EDNRB: variants seen among roughly 807,000 people sequenced by gnomAD.
The protein encoded by EDNRB is endothelin receptor type B.
Under a neutral mutation model 46.4 loss-of-function variants are expected in EDNRB, and 18 were observed. That is an observed-to-expected ratio of 0.39 (90% CI 0.27 to 0.57). EDNRB has a LOEUF of 0.57. Ranked by LOEUF, EDNRB falls within the 20% of genes least tolerant of loss-of-function variation. The pLI is 0.61. For synonymous variants in EDNRB, 213 were observed against 204.9 expected, an observed-to-expected ratio of 1.04 and a Z score of -0.34; for missense variants, 434 against 537.5, an observed-to-expected ratio of 0.81 and a Z score of 1.90.
rs1878689889 is a variant in EDNRB at position 77,897,443 on chromosome 13, T to A, written c.*757A>T. The A allele has an allele frequency of 7.1e-6, 7 of 984,798 alleles. No individual in the cohort carries two copies. Among genetic ancestry groups the A allele is most frequent in the Non-Finnish European group, 7.2e-6 (6 of 829,570 alleles). The allele number at this position is 984,798 out of a possible 1,614,324, so 61.0% of individuals were successfully genotyped here. A position where few individuals can be genotyped will look rare whatever the true frequency, so the allele number is the denominator to read the frequency against. Reference sequence around the variant, plus strand: ...TCTCTTTGTGAGGTTTGATCTTAACTGAATGTAAAGGATGTAATAATTTTC... The same window carrying A: ...TCTCTTTGTGAGGTTTGATCTTAACAGAATGTAAAGGATGTAATAATTTTC... On this transcript the variant is annotated 3_prime_UTR_variant, in exon 7 of 7. Coordinates refer to ENST00000646607, the MANE Select transcript of EDNRB (RefSeq NM_001122659.3).
At chr13:77,965,620 AAAG>A (rs1323004984) in intron 1 of EDNRB, among the ~76,000 whole-genome samples, 2 of 152,188 alleles carry the variant, frequency 1.3e-5, no homozygotes, top group African/African-American at 4.8e-5. Flanking sequence ...AAGAGGAATT[AAAG>A]TTTTCCTTCC....
chr13:77,896,875 C>G lies in EDNRB; in HGVS notation c.*1325G>C. The G allele has an allele frequency of 9.8e-7, 1 of 1,021,566 alleles. No homozygotes were observed. The highest frequency in any genetic ancestry group is 1.2e-6 in the Non-Finnish European group (1 of 854,268). 63.3% of individuals were successfully genotyped at this position (1,021,566 alleles called of 1,614,324 possible). A position where few individuals can be genotyped will look rare whatever the true frequency, so the allele number is the denominator to read the frequency against. ...AGAAGATATAAAAATTAGGCAGGAA[C>G]GCACAAAGCTAAGAGGTTCTTACGG... On this transcript the variant is annotated 3_prime_UTR_variant, in exon 7 of 7. Transcript: ENST00000646607.
At chr13:77,926,424 T>A (rs1880239210) in intron 1 of EDNRB, among the ~76,000 whole-genome samples, 1 of 152,138 alleles carries the variant, frequency 6.6e-6, no homozygotes, top group South Asian at 2.1e-4. Flanking sequence ...CTAAATCACC[T>A]CTCTCAAGTT....
upstream of EDNRB, among the ~76,000 whole-genome samples, chr13:77,922,950 A>T (rs1005022060): frequency 6.6e-6 from 1 of 152,182 alleles, no homozygotes; most frequent in African/African-American, 2.4e-5. Flanking sequence ...AACTTATCTG[A>T]TACATCTTAT....
chr13:77,926,993 A>G (rs1399871845), intron 1 of EDNRB, among the ~76,000 whole-genome samples: 1 of 152,248 alleles, frequency 6.6e-6, no homozygotes, highest in Non-Finnish European at 1.5e-5. Flanking sequence ...TGAGAACAGT[A>G]TGGGGGAAAC....
At chr13:77,911,888 G>A (rs866399392) in intron 1 of EDNRB, among the ~76,000 whole-genome samples, 2 of 152,216 alleles carry the variant, frequency 1.3e-5, no homozygotes, top group Middle Eastern at 3.4e-3. Context: ...ACTGTGCAAA[G>A]TCCTGAAAGA....
intron 1 of EDNRB, among the ~76,000 whole-genome samples, chr13:77,950,428 T>C (rs1251146443): frequency 1.3e-5 from 2 of 152,136 alleles, no homozygotes; most frequent in South Asian, 2.1e-4. Flanking sequence ...GGGTTTCCAA[T>C]AGAACATTCA....
At chr13:77,966,797 G>C (rs1191421306) in intron 1 of EDNRB, among the ~76,000 whole-genome samples, 1 of 152,138 alleles carries the variant, frequency 6.6e-6, no homozygotes, top group East Asian at 1.9e-4. Flanking sequence ...TTCTGAGACT[G>C]ACTATGTGAA....
chr13:77,909,509 G>C (rs538880371), intron 1 of EDNRB, among the ~76,000 whole-genome samples: 2 of 152,116 alleles, frequency 1.3e-5, no homozygotes, highest in South Asian at 4.1e-4. Context: ...GCCCCATAAA[G>C]TCAGGAAATG....
chr13:77,960,440 G>T (rs974967813), intron 1 of EDNRB, among the ~76,000 whole-genome samples: 7 of 152,092 alleles, frequency 4.6e-5, no homozygotes, highest in Non-Finnish European at 8.8e-5. Flanking sequence ...GCCAAACTAA[G>T]CTTCATAAGT....
chr13:77,943,483 C>T (rs1205360370), intron 1 of EDNRB, among the ~76,000 whole-genome samples: 1 of 152,084 alleles, frequency 6.6e-6, no homozygotes, highest in Non-Finnish European at 1.5e-5. Flanking sequence ...ACTGAAGTAA[C>T]TGCCTGTTTA....
intron 1 of EDNRB, among the ~76,000 whole-genome samples, chr13:77,935,512 G>A (rs1880535686): frequency 6.6e-6 from 1 of 152,188 alleles, no homozygotes; most frequent in South Asian, 2.1e-4. Context: ...AAAGTCGAAA[G>A]TATCTAACCA....
Position 77,901,188 on chromosome 13 carries a change from T to C in EDNRB, c.821A>G (p.Asp274Gly), listed in dbSNP as rs142295388. Residue 274 changes from aspartate to glycine, a missense_variant, in exon 4 of 7, where the codon GAT (aspartate) becomes GGT (glycine). Coordinates refer to ENST00000646607, the MANE Select transcript of EDNRB (RefSeq NM_001122659.3). ...AFMQFYKTAK[D>G]WWLFSFYFCL... ...GAAATAGAAACTGAATAGCCACCAA[T>C]CTTTTGCTGTCTTGTAAAACTATAG... The C allele has an allele frequency of 2.0e-5, 32 of 1,610,744 alleles. No homozygotes were observed. Among genetic ancestry groups the C allele is most frequent in the Non-Finnish European group, 2.5e-5 (30 of 1,178,074 alleles).
chr13:77,955,851 AT>A (rs1881220972), intron 1 of EDNRB, among the ~76,000 whole-genome samples: 1 of 131,102 alleles, frequency 7.6e-6, no homozygotes, highest in East Asian at 2.6e-4. Context: ...GTGTGTATCT[AT>A]CTATCTATCT....
chr13:77,928,844 A>G (rs1880310124), intron 1 of EDNRB, among the ~76,000 whole-genome samples: 1 of 152,232 alleles, frequency 6.6e-6, no homozygotes, highest in Admixed American at 6.5e-5. Context: ...CTTCCAAAGT[A>G]TTTCCCAAAA....
chr13:77,918,778 A>G lies in EDNRB; in HGVS notation c.-205T>C. 2.3e-6 allele frequency: 3 copies of G among 1,324,002 alleles called. No homozygotes were observed. The highest frequency in any genetic ancestry group is 2.9e-6 in the Non-Finnish European group (3 of 1,042,314). The allele number at this position is 1,324,002 out of a possible 1,614,324, so 82.0% of individuals were successfully genotyped here. A position where few individuals can be genotyped will look rare whatever the true frequency, so the allele number is the denominator to read the frequency against. On this transcript the variant is annotated 5_prime_UTR_variant, in exon 1 of 7. Transcript: ENST00000646607. This position sits in a 1 kb window ranked among gnomAD's most constrained non-coding sequence, Gnocchi z 4.5. Reference sequence around the variant, plus strand: ...GCCAGTGGGAAACTTGGCGCTCATGACTCGCCAGCGCGGGTCGAAACTCCT... The same window carrying G: ...GCCAGTGGGAAACTTGGCGCTCATGGCTCGCCAGCGCGGGTCGAAACTCCT...
chr13:77,945,887 A>C lies in EDNRB; in HGVS notation c.-51-27263T>G, dbSNP rs557819624. Among the ~76,000 whole-genome samples the C allele has an allele frequency of 1.3e-3, 196 of 151,622 alleles. 1 individual carries two copies. Among genetic ancestry groups the C allele is most frequent in the African/African-American group, 4.1e-3 (169 of 41,454 alleles). On this transcript the variant is annotated intron_variant, in intron 1 of 7. Transcript: ENST00000646948. ...GCCATGCAAAAAACCAAAAAAAAAA[A>C]AAAAAACAAAAAAAACACACAATCC...
At chr13:77,970,870 C>T (rs1034604310) in intron 1 of EDNRB, among the ~76,000 whole-genome samples, 3 of 152,140 alleles carry the variant, frequency 2.0e-5, no homozygotes, top group Non-Finnish European at 4.4e-5. Flanking sequence ...ACACTGGGAA[C>T]AGCCCTCAGT....
At position 77,954,287 on chromosome 13, in the gene EDNRB, C is replaced by T. The variant is rs1445759493; in HGVS notation, c.-52+21060G>A. Among the ~76,000 whole-genome samples the T allele has an allele frequency of 2.0e-5, 3 of 152,032 alleles. No homozygotes were observed. The East Asian group carries it at 5.8e-4, about 29-fold the overall frequency. The stretch of plus-strand genomic sequence containing the variant: ...AAGATTTATAAAAACTCCTTATATG[C>T]CCCTTCTCCCATTCTCTGGTAACAC... On this transcript the variant is annotated intron_variant, in intron 1 of 7. Coordinates refer to the EDNRB transcript ENST00000646948.
Sources: gnomAD v4.1 joint callset for allele counts (sites outside exome capture counted in the v4.1 genomes callset) on GRCh38, gnomAD v4.1.1 for gene constraint, Gnocchi (gnomAD v3.1) non-coding constraint, MANE v1.5 for transcripts, NCBI Gene and HGNC (gene_info 2026-07-23, HGNC 2026-07-21) for gene names.